RYK: variants seen among roughly 807,000 people sequenced by gnomAD.
RYK encodes the protein receptor like tyrosine kinase.
In RYK, 21 loss-of-function variants were observed where a neutral mutation model predicts 70.2. That is an observed-to-expected ratio of 0.30 (90% CI 0.21 to 0.43). RYK has a LOEUF of 0.43. Ranked by LOEUF, RYK falls within the 20% of genes least tolerant of loss-of-function variation. The pLI is 1.00. For synonymous variants in RYK, 267 were observed against 278.0 expected, an observed-to-expected ratio of 0.96 and a Z score of 0.39; for missense variants, 604 against 753.3, an observed-to-expected ratio of 0.80 and a Z score of 2.32.
At chr3:134,230,205 G>C (rs1185277040) in intron 1 of RYK, among the ~76,000 whole-genome samples, 1 of 152,168 alleles carries the variant, frequency 6.6e-6, no homozygotes, top group Non-Finnish European at 1.5e-5. Flanking sequence ...TCCTGCTTCA[G>C]CCTCCTAAGT....
chr3:134,185,493 T>C (rs1254236590), intron 9 of RYK, among the ~76,000 whole-genome samples: 1 of 152,194 alleles, frequency 6.6e-6, no homozygotes, highest in Non-Finnish European at 1.5e-5. Flanking sequence ...GTAAAATGGG[T>C]AGACAAAAAG....
chr3:134,191,737 T>C, intron 8 of RYK, 112 bp downstream of exon 8: 1 of 809,546 alleles, frequency 1.2e-6, no homozygotes, highest in South Asian at 2.1e-5. Flanking sequence ...CACTGCTTCC[T>C]ATCCTTATCT....
At chr3:134,200,928 T>C (rs2013993700) in intron 6 of RYK, among the ~76,000 whole-genome samples, 1 of 152,252 alleles carries the variant, frequency 6.6e-6, no homozygotes, top group Non-Finnish European at 1.5e-5. Context: ...TGGTAACTAA[T>C]TATTTCAGCA....
At chr3:134,172,909 T>C (rs898967757) in intron 13 of RYK, among the ~76,000 whole-genome samples, 1 of 152,150 alleles carries the variant, frequency 6.6e-6, no homozygotes, top group African/African-American at 2.4e-5. Context: ...CCGATGCCTC[T>C]CTGGCTAGGA....
At chr3:134,194,403 G>T (rs998199201) in intron 7 of RYK, among the ~76,000 whole-genome samples, 13 of 152,114 alleles carry the variant, frequency 8.5e-5, no homozygotes, top group African/African-American at 3.1e-4. Flanking sequence ...AGCTCTTCAA[G>T]TCTTAGCTAT....
chr3:134,241,730 A>C (rs2015331100), intron 1 of RYK, among the ~76,000 whole-genome samples: 1 of 152,210 alleles, frequency 6.6e-6, no homozygotes. Flanking sequence ...AGCACAGTAG[A>C]GAAAGCACGC....
At chr3:134,160,120 A>G (rs1290751663) in intron 13 of RYK, among the ~76,000 whole-genome samples, 1 of 152,228 alleles carries the variant, frequency 6.6e-6, no homozygotes, top group Admixed American at 6.5e-5. Context: ...CCCTGAGGTC[A>G]GAACAACTGA....
intron 1 of RYK, among the ~76,000 whole-genome samples, chr3:134,222,763 G>A (rs2014780133): frequency 6.6e-6 from 1 of 152,128 alleles, no homozygotes; most frequent in Non-Finnish European, 1.5e-5. Context: ...CAGTTATCCA[G>A]CTGAAAACAG....
chr3:134,175,483 C>A, intron 13 of RYK, 126 bp downstream of exon 13: 2 of 1,120,738 alleles, frequency 1.8e-6, no homozygotes, highest in South Asian at 1.5e-5. Context: ...CACTTGCTTT[C>A]TGGATAAAAA....
chr3:134,248,978 T>G (rs897421946), intron 1 of RYK, among the ~76,000 whole-genome samples: 1 of 152,098 alleles, frequency 6.6e-6, no homozygotes, highest in African/African-American at 2.4e-5. Flanking sequence ...CTGGTTGTCT[T>G]CTGTCTCCTA....
At chr3:134,211,180 G>A (rs1386354352) in intron 3 of RYK, among the ~76,000 whole-genome samples, 2 of 152,152 alleles carry the variant, frequency 1.3e-5, no homozygotes, top group South Asian at 2.1e-4. Flanking sequence ...AAACATGACC[G>A]TGCAAAGATC....
chr3:134,230,190 G>T (rs967847176), intron 1 of RYK, among the ~76,000 whole-genome samples: 1 of 152,140 alleles, frequency 6.6e-6, no homozygotes, highest in Non-Finnish European at 1.5e-5. Flanking sequence ...AGGTACAAGC[G>T]ATTCTCCTGC....
intron 10 of RYK, 138 bp from the exon 11 acceptor site, chr3:134,178,211 A>G (rs980571335): frequency 3.5e-5 from 23 of 653,212 alleles, no homozygotes; most frequent in African/African-American, 5.6e-5. Flanking sequence ...ATGTAAAATT[A>G]TAAGTGTTCT....
chr3:134,228,920 G>A (rs906292922), intron 1 of RYK, among the ~76,000 whole-genome samples: 3 of 152,024 alleles, frequency 2.0e-5, no homozygotes, highest in African/African-American at 4.8e-5. Flanking sequence ...ACCCTGACTG[G>A]ATCATTATAC....
chr3:134,231,370 G>A (rs552487891), intron 1 of RYK, among the ~76,000 whole-genome samples: 1 of 152,188 alleles, frequency 6.6e-6, no homozygotes, highest in South Asian at 2.1e-4. Flanking sequence ...AATTGCTCAA[G>A]GTCTCTCTAG....
Position 134,207,482 on chromosome 3 carries a change from G to A in RYK, c.633C>T (p.Ser211=), listed in dbSNP as rs2014250198. The change falls in exon 5 of 15, where the codon AGC becomes AGT. Residue 211 remains serine, a synonymous_variant. Transcript: ENST00000623711. The part of the protein sequence containing the change: ...VKTSALDKNT[S]RTIYDPVHAA... ...TACAGTAACACTTACAAATAGTTCT[G>A]CTAGTGTTTTTGTCCAAGGCTGAAG... 2.0e-6 allele frequency: 3 copies of A among 1,537,248 alleles called. No homozygotes were observed. The highest frequency in any genetic ancestry group is 2.6e-6 in the Non-Finnish European group (3 of 1,137,394).
chr3:134,209,816 C>T lies in RYK; in HGVS notation c.468G>A (p.Glu156=). The change falls in exon 4 of 15, where the codon GAG becomes GAA. Residue 156 remains glutamate (E), a synonymous_variant. Transcript: ENST00000623711. ...AATCTACTTTGCCAGTACAGGAAAG[C>T]TCTACCCGAAACACTGTTTAAAAAA... ...VPRTLSVFRV[E]LSCTGKVDSE... 6.7e-7 allele frequency: 1 copy of T among 1,495,978 alleles called. No individual in the cohort carries two copies. The highest frequency in any genetic ancestry group is 8.9e-7 in the Non-Finnish European group (1 of 1,127,098). 92.7% of individuals were successfully genotyped at this position (1,495,978 alleles called of 1,614,324 possible). A position where few individuals can be genotyped will look rare whatever the true frequency, so the allele number is the denominator to read the frequency against.
chr3:134,167,976 T>TCAAATG (rs1372691377), intron 13 of RYK, among the ~76,000 whole-genome samples: 1 of 152,180 alleles, frequency 6.6e-6, no homozygotes, highest in Non-Finnish European at 1.5e-5. Flanking sequence ...GAACAGATAC[T>TCAAATG]TCTCAAAAGA....
At chr3:134,187,721 CTT>C (rs77809666) in intron 9 of RYK, among the ~76,000 whole-genome samples, 327 of 136,886 alleles carry the variant, frequency 2.4e-3, no homozygotes, top group Middle Eastern at 7.8e-3. Flanking sequence ...CACCCAGCTA[CTT>C]TTTTTTTTTT....
Sources: gnomAD v4.1 joint callset for allele counts (sites outside exome capture counted in the v4.1 genomes callset) on GRCh38, gnomAD v4.1.1 for gene constraint, MANE v1.5 for transcripts, NCBI Gene and HGNC (gene_info 2026-07-23, HGNC 2026-07-21) for gene names.